Variants in PDE3B observed in about 807,000 individuals in gnomAD.
PDE3B encodes the protein phosphodiesterase 3B.
A neutral mutation model predicts 116.8 loss-of-function variants in PDE3B; 66 were observed. The observed-to-expected ratio is 0.56, with a 90% CI of 0.46 to 0.69. The LOEUF is 0.69. Among genes scored for constraint, PDE3B ranks in the 30% least tolerant of loss-of-function variants. The pLI is 0.00. For synonymous variants in PDE3B, 595 were observed against 533.6 expected (o/e 1.12, Z -1.59); for missense variants, 1,384 against 1,368.1 (o/e 1.01, Z -0.18).
intron 11 of PDE3B, among the ~76,000 whole-genome samples, chr11:14,837,006 G>T (rs992589668): frequency 2.0e-5 from 3 of 152,210 alleles, no homozygotes; most frequent in Admixed American, 6.5e-5. Context: ...TAGAGATGGG[G>T]TTTCACCATG....
At chr11:14,677,708 A>G (rs1854573246) in intron 1 of PDE3B, among the ~76,000 whole-genome samples, 1 of 152,088 alleles carries the variant, frequency 6.6e-6, no homozygotes, top group South Asian at 2.1e-4. Context: ...TCTTCCTTCT[A>G]TCCCTAATCC....
chr11:14,820,432 C>T (rs1269510193), intron 7 of PDE3B, among the ~76,000 whole-genome samples: 2 of 152,016 alleles, frequency 1.3e-5, no homozygotes, highest in Non-Finnish European at 2.9e-5. Flanking sequence ...ATAATCAGAA[C>T]AGTTGTTGCA....
At chr11:14,876,137 T>G (rs1037009735), downstream of PDE3B, among the ~76,000 whole-genome samples, 25 of 152,110 alleles carry the variant, frequency 1.6e-4, no homozygotes, top group African/African-American at 6.0e-4. Flanking sequence ...GATATGACAC[T>G]AAGTAGGAGG....
chr11:14,731,407 C>T (rs184785357), intron 1 of PDE3B, among the ~76,000 whole-genome samples: 2,453 of 151,800 alleles, frequency 0.016, 165 homozygotes, highest in Admixed American at 0.13. Context: ...TGCAGGTGCC[C>T]GCCACCACAC....
chr11:14,825,241 TAA>T (rs1859651039), intron 7 of PDE3B, among the ~76,000 whole-genome samples: 1 of 152,170 alleles, frequency 6.6e-6, no homozygotes, highest in Non-Finnish European at 1.5e-5. Context: ...GCTGGCTTAA[TAA>T]CCAGGTAACA....
chr11:14,859,153 G>A lies in PDE3B; in HGVS notation c.2631G>A (p.Val877=), dbSNP rs782295393. 7.4e-6 allele frequency: 12 copies of A among 1,613,368 alleles called. No individual in the cohort carries two copies. The South Asian group carries it at 1.2e-4, about 16-fold the overall frequency. ...ACTTCCTTCTTCATCTTGATCATGT[G>A]GAATTCAAGCGCTTTCGTTTTTTAG... ...EYNFLLHLDH[V]EFKRFRFLVI... The change falls in exon 13 of 16, where the codon GTG becomes GTA. Residue 877 remains valine, a synonymous_variant. Coordinates refer to ENST00000282096, the MANE Select transcript of PDE3B (RefSeq NM_000922.4).
Position 14,648,025 on chromosome 11 carries a change from G to C in PDE3B, c.978+2972G>C, listed in dbSNP as rs552016566. Among the ~76,000 whole-genome samples, 127 of 151,342 alleles carry C rather than the reference G, an allele frequency of 8.4e-4. 1 individual carries two copies. The highest frequency in any genetic ancestry group is 1.4e-3 in the Non-Finnish European group (96 of 67,752). ...TGGTGGGTTAATGGAAAGAAGCACTGAGTTTGTAGTCTTATCTGCCAAGAA... is the reference window on the plus strand; with the variant it reads ...TGGTGGGTTAATGGAAAGAAGCACTCAGTTTGTAGTCTTATCTGCCAAGAA... On this transcript the variant is annotated intron_variant, in intron 1 of 15. Transcript: ENST00000282096.
At chr11:14,707,925 A>G (rs965325736) in intron 1 of PDE3B, among the ~76,000 whole-genome samples, 1 of 152,112 alleles carries the variant, frequency 6.6e-6, no homozygotes. Context: ...AAGATCACTC[A>G]TTTAAGTAGA....
chr11:14,674,204 G>T (rs1854460790), intron 1 of PDE3B: 1 of 1,257,814 alleles, frequency 8.0e-7, no homozygotes, highest in Non-Finnish European at 1.2e-6. Flanking sequence ...CCATTTCCAG[G>T]GGTTTTCTGT....
At chr11:14,721,062 TCAAA>T (rs1485286101) in intron 1 of PDE3B, among the ~76,000 whole-genome samples, 2 of 139,254 alleles carry the variant, frequency 1.4e-5, no homozygotes, top group East Asian at 4.3e-4. Flanking sequence ...TACAATGAAC[TCAAA>T]CAAATTTACA....
intron 7 of PDE3B, among the ~76,000 whole-genome samples, chr11:14,830,072 A>T (rs1859825966): frequency 6.6e-6 from 1 of 152,120 alleles, no homozygotes; most frequent in African/African-American, 2.4e-5. Context: ...TTTGCTCTGT[A>T]GTGATCAATT....
chr11:14,657,471 A>C (rs1403248), intron 1 of PDE3B, among the ~76,000 whole-genome samples: 97,332 of 152,014 alleles, frequency 0.64, 31,292 homozygotes, highest in Middle Eastern at 0.7. Context: ...AGTAATCGTT[A>C]AAAGCAGACA....
intron 1 of PDE3B, among the ~76,000 whole-genome samples, chr11:14,693,033 T>A (rs2133808446): frequency 6.6e-6 from 1 of 152,294 alleles, no homozygotes. Flanking sequence ...AGTGACCAGC[T>A]TTACTGCTGA....
At position 14,865,639 on chromosome 11, in the gene PDE3B, C is replaced by CTGATA. The variant is rs552817360; in HGVS notation, c.2887-1866_2887-1865insGATAT. Among the ~76,000 whole-genome samples, 714 of 152,186 alleles carry CTGATA rather than the reference C, an allele frequency of 4.7e-3. 4 individuals carry two copies. Among genetic ancestry groups the CTGATA allele is most frequent in the African/African-American group, 0.016 (651 of 41,530 alleles). ...AAGATTATTAATATTTTACTATTATCTATTTAAATTATATTTAATTTCGGG... is the reference window on the plus strand; with the variant it reads ...AAGATTATTAATATTTTACTATTATCTGATATATTTAAATTATATTTAATTTCGGG... On this transcript the variant is annotated intron_variant, in intron 14 of 15. Transcript: ENST00000282096.
At position 14,729,540 on chromosome 11, in the gene PDE3B, G is replaced by A. The variant is rs935438546; in HGVS notation, c.979-42397G>A. On this transcript the variant is annotated intron_variant, in intron 1 of 15. Coordinates refer to ENST00000282096, the MANE Select transcript of PDE3B (RefSeq NM_000922.4). ...TATCCCCTCTTGGTTACAGAAATTA[G>A]CTACTACAAATAAAATGCCAAGATT... Among the ~76,000 whole-genome samples, 4 of 152,094 alleles carry A rather than the reference G, an allele frequency of 2.6e-5. No homozygotes were observed. In the South Asian group the frequency reaches 8.3e-4, roughly 32 times the overall value.
At chr11:14,807,794 C>T (rs927802665) in intron 5 of PDE3B, among the ~76,000 whole-genome samples, 4 of 152,094 alleles carry the variant, frequency 2.6e-5, no homozygotes, top group African/African-American at 9.7e-5. Context: ...CACTTGTAAT[C>T]CCAGCACTTT....
chr11:14,863,441 CT>C (rs1368400573), intron 14 of PDE3B, among the ~76,000 whole-genome samples: 1 of 152,160 alleles, frequency 6.6e-6, no homozygotes, highest in African/African-American at 2.4e-5. Context: ...CTAATGACTA[CT>C]GATGATGAGC....
chr11:14,759,589 G>A (rs1056156759), intron 1 of PDE3B, among the ~76,000 whole-genome samples: 1 of 142,890 alleles, frequency 7.0e-6, no homozygotes, highest in Admixed American at 7.2e-5. Flanking sequence ...TTGCTTTGTC[G>A]CCTGGTTGGA....
chr11:14,886,097 T>G, the PDE3B span: 5 of 629,824 alleles, frequency 7.9e-6, no homozygotes, highest in African/African-American at 1.8e-5. Flanking sequence ...CATGCAAAAC[T>G]GTGTGATTTC....
Sources: allele counts gnomAD v4.1 joint callset (sites outside exome capture counted in the v4.1 genomes callset), GRCh38; gene constraint gnomAD v4.1.1; transcripts MANE v1.5; gene names NCBI Gene and HGNC (gene_info 2026-07-23, HGNC 2026-07-21).